Variants in C9 observed in about 807,000 individuals in gnomAD.
C9 encodes complement component C9.
In C9, 63 loss-of-function variants were observed where a neutral mutation model predicts 65.4. The observed-to-expected ratio is 0.96, with a 90% confidence interval of 0.79 to 1.19. C9 has a LOEUF of 1.19. Among genes scored for constraint, C9 ranks in the 50% most tolerant of loss-of-function variants. C9 has a pLI of 0.00. For synonymous variants in C9, 229 were observed against 227.9 expected (o/e 1.00, Z -0.04); for missense variants, 744 against 670.1 (o/e 1.11, Z -1.22).
intron 6 of C9, among the ~76,000 whole-genome samples, chr5:39,314,378 G>A (rs1173187125): frequency 6.6e-6 from 1 of 152,056 alleles, no homozygotes; most frequent in African/African-American, 2.4e-5. Context: ...GTACCTGGGA[G>A]GCGGAAGTTG....
intron 5 of C9, among the ~76,000 whole-genome samples, chr5:39,331,367 C>T (rs946925397): frequency 4.6e-5 from 7 of 152,088 alleles, no homozygotes; most frequent in Non-Finnish European, 7.4e-5. Flanking sequence ...TCAAGTAGCA[C>T]GTAAGCAGTG....
At position 39,303,553 on chromosome 5, in the gene C9, C is replaced by T. The variant is rs965094564; in HGVS notation, c.1416+3064G>A. 1.6e-4 allele frequency among the ~76,000 whole-genome samples: 24 copies of T among 148,544 alleles called. No homozygotes were observed. The South Asian group carries it at 5.0e-3, about 31-fold the overall frequency. On this transcript the variant is annotated intron_variant, in intron 9 of 10. Coordinates refer to ENST00000263408, the MANE Select transcript of C9 (RefSeq NM_001737.5). ...TAAATTATATTTATAATTATATATA[C>T]TATATATTTATAACATATATATTTT...
At chr5:39,357,587 A>C (rs1045169466) in intron 1 of C9, among the ~76,000 whole-genome samples, 1 of 152,210 alleles carries the variant, frequency 6.6e-6, no homozygotes, top group Non-Finnish European at 1.5e-5. Flanking sequence ...AGAAAATACA[A>C]CATGCAATAT....
Position 39,351,239 on chromosome 5 carries a change from C to T in C9, c.78-9043G>A, listed in dbSNP as rs1471257222. ...GAGCAGTGGGGCCCTGGGCCTAGTC[C>T]ATGAAATCATTTTTACCTCCTAGAT... On this transcript the variant is annotated intron_variant, in intron 1 of 10. Transcript: ENST00000263408. Among the ~76,000 whole-genome samples the T allele has an allele frequency of 2.0e-5, 3 of 152,154 alleles. 1 individual carries two copies. Among genetic ancestry groups the T allele is most frequent in the Admixed American group, 2.0e-4 (3 of 15,284 alleles).
At chr5:39,333,569 T>TCCCTCG (rs1753884239) in intron 4 of C9, among the ~76,000 whole-genome samples, 1 of 147,702 alleles carries the variant, frequency 6.8e-6, no homozygotes, top group African/African-American at 2.5e-5. Flanking sequence ...CCTCTCCCTC[T>TCCCTCG]CCCTCTCCCT....
chr5:39,324,602 G>T (rs193214782), intron 5 of C9, among the ~76,000 whole-genome samples: 244 of 152,276 alleles, frequency 1.6e-3, no homozygotes, highest in Non-Finnish European at 2.6e-3. Context: ...TGGTAGTGGC[G>T]AGTACAGCCT....
At chr5:39,295,275 T>C (rs1034707224) in intron 9 of C9, among the ~76,000 whole-genome samples, 1 of 151,894 alleles carries the variant, frequency 6.6e-6, no homozygotes, top group South Asian at 2.1e-4. Context: ...TTGTCCCTGT[T>C]TGCAGAAGAC....
intron 4 of C9, among the ~76,000 whole-genome samples, chr5:39,338,932 A>G (rs996434337): frequency 1.3e-5 from 2 of 152,214 alleles, no homozygotes; most frequent in African/African-American, 4.8e-5. Flanking sequence ...CAATATTTCT[A>G]TATTCTTTTC....
chr5:39,344,431 G>T (rs1226509028), intron 1 of C9, among the ~76,000 whole-genome samples: 2 of 152,188 alleles, frequency 1.3e-5, no homozygotes, highest in Non-Finnish European at 2.9e-5. Flanking sequence ...AGTGATTGAA[G>T]ATCAAATGAA....
intron 9 of C9, among the ~76,000 whole-genome samples, chr5:39,302,002 T>G (rs1025847221): frequency 2.0e-5 from 3 of 152,024 alleles, no homozygotes; most frequent in Non-Finnish European, 4.4e-5. Context: ...GTTATACCCT[T>G]CAAAGGAAAG....
intron 10 of C9, 80 bp from the exon 11 acceptor site, chr5:39,285,313 C>T (rs1266480885): frequency 5.7e-6 from 6 of 1,055,850 alleles, no homozygotes; most frequent in Admixed American, 1.7e-5. Context: ...CGCTTTTTCA[C>T]CTTCTTATCC....
At position 39,284,589 on chromosome 5, in the gene C9, C is replaced by T. The variant is rs1472703207; in HGVS notation, c.*610G>A. The T allele has an allele frequency of 1.3e-5, 2 of 152,370 alleles. No individual in the cohort carries two copies. The highest frequency in any genetic ancestry group is 2.9e-5 in the Non-Finnish European group (2 of 68,174). 9.4% of individuals were successfully genotyped at this position (152,370 alleles called of 1,614,324 possible). On this transcript the variant is annotated 3_prime_UTR_variant, in exon 11 of 11. Transcript: ENST00000263408. The stretch of plus-strand genomic sequence containing the variant: ...TTTTTGTACCCATTAACCAACTCCT[C>T]TTTATCTCCCTTCAGTCCTCTGGTA...
intron 4 of C9, among the ~76,000 whole-genome samples, chr5:39,337,861 T>C (rs139819923): frequency 6.6e-6 from 1 of 152,352 alleles, no homozygotes; most frequent in Non-Finnish European, 1.5e-5. Flanking sequence ...ATAAATTAAT[T>C]ACCATGAGTG....
intron 1 of C9, among the ~76,000 whole-genome samples, chr5:39,357,851 G>GA (rs1754439006): frequency 6.6e-6 from 1 of 152,214 alleles, no homozygotes; most frequent in African/African-American, 2.4e-5. Context: ...AACACTGTAT[G>GA]AATTTTAAGG....
intron 1 of C9, among the ~76,000 whole-genome samples, chr5:39,346,125 G>A (rs1036013214): frequency 4.6e-5 from 7 of 152,096 alleles, no homozygotes; most frequent in African/African-American, 1.4e-4. Flanking sequence ...AGAAGCAAGA[G>A]CAAACACATT....
intron 6 of C9, among the ~76,000 whole-genome samples, chr5:39,315,051 T>C (rs1259691149): frequency 1.3e-5 from 2 of 152,186 alleles, no homozygotes; most frequent in African/African-American, 4.8e-5. Flanking sequence ...CTTGAGTGGG[T>C]ATGCATGTAA....
At chr5:39,308,205 A>T in intron 8 of C9, 25 bp downstream of exon 8, 1 of 1,609,422 alleles carries the variant, frequency 6.2e-7, no homozygotes, top group Non-Finnish European at 8.5e-7. Context: ...GCTTTATAAA[A>T]TCTAACAAGT....
chr5:39,344,326 A>G (rs997035476), intron 1 of C9, among the ~76,000 whole-genome samples: 4 of 152,234 alleles, frequency 2.6e-5, no homozygotes, highest in African/African-American at 9.7e-5. Flanking sequence ...GAAGTCCTTA[A>G]ATGACCTGAT....
chr5:39,288,263 T>G (rs1753027299), intron 10 of C9, among the ~76,000 whole-genome samples: 3 of 151,778 alleles, frequency 2.0e-5, no homozygotes, highest in Admixed American at 6.6e-5. Flanking sequence ...AGAATTTTTT[T>G]GGGGGGCGGG....
Sources: gnomAD v4.1 joint callset for allele counts (sites outside exome capture counted in the v4.1 genomes callset) on GRCh38, gnomAD v4.1.1 for gene constraint, MANE v1.5 for transcripts, NCBI Gene and HGNC (gene_info 2026-07-23, HGNC 2026-07-21) for gene names.